Variants in PLCH1 observed in about 807,000 individuals in gnomAD.
PLCH1 encodes the protein 1-phosphatidylinositol 4,5-bisphosphate phosphodiesterase eta-1.
PLCH1 carries 60 observed loss-of-function variants against 126.7 expected under a neutral mutation model. The ratio of observed to expected loss-of-function variants is 0.47; its 90% CI spans 0.38 to 0.59. The LOEUF (loss-of-function observed/expected upper bound fraction) is 0.59. Ranked by LOEUF, PLCH1 falls within the 20% of genes least tolerant of loss-of-function variation. The pLI, the probability that PLCH1 is intolerant of heterozygous loss-of-function variation, is 0.00. For synonymous variants in PLCH1, 719 were observed against 734.9 expected, an observed-to-expected ratio of 0.98 and a Z score of 0.35; for missense variants, 1,723 against 2,040.0, an observed-to-expected ratio of 0.84 and a Z score of 2.99.
At chr3:155,497,921 G>A (rs1445401699) in intron 14 of PLCH1, among the ~76,000 whole-genome samples, 1 of 152,068 alleles carries the variant, frequency 6.6e-6, no homozygotes, top group African/African-American at 2.4e-5. Context: ...CACCATGTTG[G>A]CCAGGCTGGT....
chr3:155,672,178 T>G (rs1369469043), intron 2 of PLCH1, among the ~76,000 whole-genome samples: 1 of 152,182 alleles, frequency 6.6e-6, no homozygotes, highest in East Asian at 1.9e-4. Context: ...TGTCTTAAAG[T>G]TGGCAGTTCT....
At chr3:155,563,331 C>T (rs1253004777) in intron 8 of PLCH1, among the ~76,000 whole-genome samples, 6 of 152,202 alleles carry the variant, frequency 3.9e-5, no homozygotes, top group Admixed American at 3.9e-4. Flanking sequence ...TGTCCACATA[C>T]ATGTTACAAA....
intron 2 of PLCH1, among the ~76,000 whole-genome samples, chr3:155,597,579 T>G (rs1369839015): frequency 6.6e-6 from 1 of 152,142 alleles, no homozygotes; most frequent in Non-Finnish European, 1.5e-5. Flanking sequence ...AAACAACAGA[T>G]AAAAGAAACA....
chr3:155,741,470 G>A (rs1464821205), intron 1 of PLCH1, among the ~76,000 whole-genome samples: 2 of 152,186 alleles, frequency 1.3e-5, no homozygotes, highest in Admixed American at 6.5e-5. Flanking sequence ...GTGAAGGAAA[G>A]ATGAGAGTTT....
chr3:155,662,387 GA>G (rs1203853040), intron 2 of PLCH1, among the ~76,000 whole-genome samples: 4 of 152,076 alleles, frequency 2.6e-5, no homozygotes, highest in Non-Finnish European at 5.9e-5. Flanking sequence ...AGAATAGTTT[GA>G]GCCCAGGAGT....
At chr3:155,675,113 A>C (rs1007183096) in intron 2 of PLCH1, among the ~76,000 whole-genome samples, 22 of 152,218 alleles carry the variant, frequency 1.4e-4, no homozygotes, top group African/African-American at 5.1e-4. Context: ...TTTGAATAAA[A>C]AGCAAACATC....
intron 21 of PLCH1, among the ~76,000 whole-genome samples, chr3:155,467,288 C>T (rs1712964288): frequency 6.6e-6 from 1 of 151,908 alleles, no homozygotes; most frequent in Admixed American, 6.6e-5. Context: ...AAGAAAGGAT[C>T]CTAGACCAGG....
intron 1 of PLCH1, among the ~76,000 whole-genome samples, chr3:155,711,154 G>T (rs1305924608): frequency 6.6e-6 from 1 of 151,804 alleles, no homozygotes; most frequent in African/African-American, 2.4e-5. Flanking sequence ...AAATCCTAAT[G>T]CAAAAATAAT....
chr3:155,492,139 T>A (rs531589137), intron 18 of PLCH1, among the ~76,000 whole-genome samples: 1 of 152,162 alleles, frequency 6.6e-6, no homozygotes, highest in South Asian at 2.1e-4. Context: ...AAGTAATGGA[T>A]CAGCTCTGAG....
At chr3:155,486,240 C>T (rs1329040903) in intron 21 of PLCH1, 1 of 1,365,908 alleles carries the variant, frequency 7.3e-7, no homozygotes, top group African/African-American at 1.5e-5. Context: ...CAACAAAACA[C>T]AATTGGGGCT....
intron 1 of PLCH1, among the ~76,000 whole-genome samples, chr3:155,720,907 A>C (rs1747898886): frequency 6.6e-6 from 1 of 152,190 alleles, no homozygotes; most frequent in Admixed American, 6.5e-5. Context: ...TATAAGGTGA[A>C]AGAGAAGCAT....
intron 13 of PLCH1, among the ~76,000 whole-genome samples, chr3:155,501,943 G>T (rs1350357854): frequency 6.6e-6 from 1 of 152,144 alleles, no homozygotes; most frequent in Non-Finnish European, 1.5e-5. Flanking sequence ...CTTAGAAAGG[G>T]AAAGGGTCTC....
At chr3:155,654,899 C>T (rs1156518511) in intron 2 of PLCH1, among the ~76,000 whole-genome samples, 2 of 152,166 alleles carry the variant, frequency 1.3e-5, no homozygotes, top group Non-Finnish European at 2.9e-5. Context: ...TGACCACTGG[C>T]TGCTTCTCTG....
At chr3:155,475,241 A>C (rs1713487061), downstream of PLCH1, among the ~76,000 whole-genome samples, 1 of 152,084 alleles carries the variant, frequency 6.6e-6, no homozygotes, top group East Asian at 1.9e-4. Context: ...AATTAAGAAG[A>C]AAATTTTAAA....
At chr3:155,555,511 G>C (rs1726709234) in intron 8 of PLCH1, among the ~76,000 whole-genome samples, 1 of 152,180 alleles carries the variant, frequency 6.6e-6, no homozygotes, top group Non-Finnish European at 1.5e-5. Context: ...TTTTGAACTT[G>C]ACATAATCAA....
At chr3:155,623,936 A>G (rs561184078) in intron 2 of PLCH1, among the ~76,000 whole-genome samples, 2 of 152,334 alleles carry the variant, frequency 1.3e-5, no homozygotes, top group African/African-American at 4.8e-5. Context: ...AACCTGGCAG[A>G]GACACAACAA....
Position 155,488,017 on chromosome 3 carries a change from A to G in PLCH1, c.2619+11T>C, listed in dbSNP as rs189273789. 8.1e-6 allele frequency: 12 copies of G among 1,474,800 alleles called. No homozygotes were observed. In the East Asian group the frequency reaches 2.5e-4, roughly 31 times the overall value. 91.4% of individuals were successfully genotyped at this position (1,474,800 alleles called of 1,614,324 possible). On this transcript the variant is annotated intron_variant, in intron 21 of 22. Coordinates refer to ENST00000460012, the MANE Select transcript of PLCH1 (RefSeq NM_014996.4). ...AATGTATATGACTTTAAATCCTATG[A>G]TCTTTCTCACCTTTCCATAGATTTC...
intron 4 of PLCH1, among the ~76,000 whole-genome samples, chr3:155,586,450 T>C (rs189518947): frequency 6.6e-6 from 1 of 152,298 alleles, no homozygotes; most frequent in East Asian, 1.9e-4. Flanking sequence ...CTCATGCCTA[T>C]AATCTCAACA....
rs541598260 is a variant in PLCH1, at chr3:155,659,926, G to A, written c.79+44220C>T. Reference sequence around the variant, plus strand: ...TGGGATTACAAGCATAAGCCACCACGCCCAGCTGTCTATTCACTTCTAATA... The same window carrying A: ...TGGGATTACAAGCATAAGCCACCACACCCAGCTGTCTATTCACTTCTAATA... On this transcript the variant is annotated intron_variant, in intron 2 of 22. Coordinates refer to ENST00000460012, the MANE Select transcript of PLCH1 (RefSeq NM_014996.4). Among the ~76,000 whole-genome samples the A allele has an allele frequency of 1.4e-3, 219 of 152,230 alleles. 1 individual carries two copies. The highest frequency in any genetic ancestry group is 6.8e-3 in the Middle Eastern group (2 of 292).
Sources: gnomAD v4.1 joint callset for allele counts (sites outside exome capture counted in the v4.1 genomes callset) on GRCh38, gnomAD v4.1.1 for gene constraint, MANE v1.5 for transcripts, NCBI Gene and HGNC (gene_info 2026-07-23, HGNC 2026-07-21) for gene names.